Variants in DNAJA2 observed in about 807,000 individuals in gnomAD.
The protein encoded by DNAJA2 is DnaJ heat shock protein family (Hsp40) member A2.
In DNAJA2, 6 loss-of-function variants were observed where a neutral mutation model predicts 49.3. The observed-to-expected ratio is 0.12, with a 90% CI of 0.07 to 0.24. The LOEUF is 0.24. Ranked by LOEUF, DNAJA2 falls within the 10% of genes least tolerant of loss-of-function variation. DNAJA2 has a pLI of 1.00. For synonymous variants in DNAJA2, 160 were observed against 172.7 expected, an observed-to-expected ratio of 0.93 and a Z score of 0.58; for missense variants, 347 against 516.8, an observed-to-expected ratio of 0.67 and a Z score of 3.19.
intron 3 of DNAJA2, 132 bp downstream of exon 3, chr16:46,971,215 CAA>C: frequency 3.0e-6 from 2 of 666,698 alleles, no homozygotes; most frequent in Non-Finnish European, 2.4e-6. Context: ...ATTTAGTCAC[CAA>C]AAGAAGACAA....
intron 5 of DNAJA2, among the ~76,000 whole-genome samples, chr16:46,965,465 T>A (rs1057378108): frequency 4.6e-5 from 7 of 152,210 alleles, no homozygotes; most frequent in Admixed American, 1.3e-4. Context: ...AAGAAGTGTA[T>A]AACTGATTAT....
intron 5 of DNAJA2, among the ~76,000 whole-genome samples, chr16:46,965,298 T>A (rs1485845770): frequency 6.6e-6 from 1 of 152,204 alleles, no homozygotes; most frequent in Non-Finnish European, 1.5e-5. Flanking sequence ...CTTCCCACTA[T>A]TTCAGAATGT....
intron 6 of DNAJA2, among the ~76,000 whole-genome samples, chr16:46,960,759 A>G (rs1342532379): frequency 6.6e-6 from 1 of 152,134 alleles, no homozygotes; most frequent in Non-Finnish European, 1.5e-5. Flanking sequence ...AGCCTGGGCG[A>G]CACAGCGAGA....
intron 4 of DNAJA2, 144 bp from the exon 5 acceptor site, chr16:46,967,790 T>C (rs1961993441): frequency 4.9e-6 from 6 of 1,223,560 alleles, no homozygotes; most frequent in Non-Finnish European, 3.4e-6. Context: ...CAGAAAACAT[T>C]CTGCTAAGAT....
At chr16:46,959,727 C>G (rs1166233329) in intron 6 of DNAJA2, 6 of 227,748 alleles carry the variant, frequency 2.6e-5, no homozygotes, top group Non-Finnish European at 5.2e-5. Flanking sequence ...CAGACTCTGC[C>G]TCTGGTGAAA....
At chr16:46,966,601 A>C (rs1436945913) in intron 5 of DNAJA2, among the ~76,000 whole-genome samples, 3 of 152,190 alleles carry the variant, frequency 2.0e-5, no homozygotes, top group Non-Finnish European at 4.4e-5. Context: ...TGTTTTTATA[A>C]TTAAAATTTT....
chr16:46,971,944 C>T lies in DNAJA2; in HGVS notation c.90G>A (p.Lys30=), dbSNP rs774219169. Residue 30 remains lysine (K), a synonymous_variant, in exon 2 of 9, where the codon AAG becomes AAA. Transcript: ENST00000317089. ...SENELKKAYR[K]LAKEYHPDKN... ...TATCAGGATGATATTCCTTGGCTAACTTTCTGTATGCCTTTGAAAATGGAT... is the reference window on the plus strand; with the variant it reads ...TATCAGGATGATATTCCTTGGCTAATTTTCTGTATGCCTTTGAAAATGGAT... The T allele has an allele frequency of 6.2e-7, 1 of 1,612,222 alleles. No homozygotes were observed. Among genetic ancestry groups the T allele is most frequent in the Non-Finnish European group, 8.5e-7 (1 of 1,178,624 alleles).
chr16:46,963,175 T>A (rs559743165), intron 6 of DNAJA2, among the ~76,000 whole-genome samples: 10 of 152,186 alleles, frequency 6.6e-5, no homozygotes, highest in Non-Finnish European at 1.3e-4. Context: ...TAACCTGTGA[T>A]GTAATGATTT....
intron 6 of DNAJA2, among the ~76,000 whole-genome samples, chr16:46,961,858 C>T (rs1458145095): frequency 1.3e-5 from 2 of 151,996 alleles, no homozygotes; most frequent in Admixed American, 6.6e-5. Context: ...AACAAAAGTA[C>T]AGGTTATAGA....
At chr16:46,958,845 G>T in intron 8 of DNAJA2, 158 bp downstream of exon 8, 1 of 747,806 alleles carries the variant, frequency 1.3e-6, no homozygotes, top group Non-Finnish European at 2.1e-6. Flanking sequence ...CTTGGGGGCT[G>T]AGGTGAGAGG....
rs975623207 is a variant in DNAJA2, at chr16:46,967,608, G to A, written c.482C>T (p.Ala161Val). The change falls in exon 5 of 9, where the codon GCT becomes GTT. Residue 161 changes from alanine (A) to valine (V), a missense_variant. Ala to Val is a moderately conservative substitution (Grantham distance 64). Coordinates refer to ENST00000317089, the MANE Select transcript of DNAJA2 (RefSeq NM_005880.4). ...GKSGAVQKCS[A>V]CRGRGVRIMI... Reference sequence around the variant, plus strand: ...GATGCGCACACCTCGACCTCGACAAGCACTACACTTTTGGACAGCTCCAGA... The same window carrying A: ...GATGCGCACACCTCGACCTCGACAAACACTACACTTTTGGACAGCTCCAGA... The A allele has an allele frequency of 3.7e-6, 6 of 1,614,022 alleles. No individual in the cohort carries two copies. In the African/African-American group the frequency reaches 5.3e-5, roughly 14 times the overall value.
At chr16:46,964,870 T>G in intron 5 of DNAJA2, 63 bp from the exon 6 acceptor site, 2 of 1,302,032 alleles carry the variant, frequency 1.5e-6, no homozygotes, top group East Asian at 4.8e-5. Flanking sequence ...AATACCCTTA[T>G]TCTTTAAATA....
intron 8 of DNAJA2, among the ~76,000 whole-genome samples, chr16:46,957,602 CA>C (rs35145263): frequency 0.87 from 126,901 of 146,618 alleles, 55,847 homozygotes; most frequent in East Asian, 0.98. Context: ...GACTCCATCT[CA>C]AAAAAAAAAA....
At position 46,956,374 on chromosome 16, in the gene DNAJA2, C is replaced by G. The variant is rs1479771885; in HGVS notation, c.*655G>C. ...TGTTTTTCCTTCTAAAAATGTGACA[C>G]AAAAGAATAATTTACACCAACCGCT... On this transcript the variant is annotated 3_prime_UTR_variant, in exon 9 of 9. Transcript: ENST00000317089. 7.4e-6 allele frequency: 1 copy of G among 134,500 alleles called. No individual in the cohort carries two copies. Among genetic ancestry groups the G allele is most frequent in the Non-Finnish European group, 1.6e-5 (1 of 64,026 alleles). 8.3% of individuals were successfully genotyped at this position (134,500 alleles called of 1,614,324 possible). A position where few individuals can be genotyped will look rare whatever the true frequency, so the allele number is the denominator to read the frequency against.
rs997644710 is a variant in DNAJA2, at chr16:46,971,491, G to C, written c.220C>G (p.Leu74Val). 8 of 1,613,736 alleles carry C rather than the reference G, an allele frequency of 5.0e-6. No individual in the cohort carries two copies. In the Middle Eastern group the frequency reaches 5.0e-4, roughly 100 times the overall value. The change falls in exon 3 of 9, where the codon CTT becomes GTT. Residue 74 changes from leucine (L) to valine (V), a missense_variant. Coordinates refer to ENST00000317089, the MANE Select transcript of DNAJA2 (RefSeq NM_005880.4). ...ELYDRYGEQG[L>V]REGSGGGGGM... is the part of the protein sequence containing the mutation. ...CCACCTCCGCCGCTGCCTTCCCGAA[G>C]ACCTTGCTCTCCGTATCTGTCATAT...
Position 46,956,288 on chromosome 16 carries a change from C to G in DNAJA2, c.*741G>C, listed in dbSNP as rs1961809366. 1 of 152,094 alleles carries G rather than the reference C, an allele frequency of 6.6e-6. No homozygotes were observed. 9.4% of individuals were successfully genotyped at this position (152,094 alleles called of 1,614,324 possible). On this transcript the variant is annotated 3_prime_UTR_variant, in exon 9 of 9. Coordinates refer to ENST00000317089, the MANE Select transcript of DNAJA2 (RefSeq NM_005880.4). ...GATGGGCATAGGCCTGAGATATAAGCTTCAGGCCAATGGGTTTTTATGGGC... is the reference window on the plus strand; with the variant it reads ...GATGGGCATAGGCCTGAGATATAAGGTTCAGGCCAATGGGTTTTTATGGGC...
intron 1 of DNAJA2, among the ~76,000 whole-genome samples, chr16:46,973,211 G>A (rs1329342879): frequency 6.6e-6 from 1 of 152,142 alleles, no homozygotes; most frequent in Non-Finnish European, 1.5e-5. Flanking sequence ...CCCGGCGCTC[G>A]TTCAAGGAGG....
At chr16:46,957,320 G>A (rs2143638019) in intron 8 of DNAJA2, 100 bp from the exon 9 acceptor site, 4 of 1,149,826 alleles carry the variant, frequency 3.5e-6, no homozygotes, top group Admixed American at 2.3e-5. Context: ...TTAAAAAGGG[G>A]CTGGGTGTGG....
At chr16:46,971,603 T>C in intron 2 of DNAJA2, 31 bp from the exon 3 acceptor site, 1 of 1,490,280 alleles carries the variant, frequency 6.7e-7, no homozygotes, top group Non-Finnish European at 9.0e-7. Flanking sequence ...TAAAAATAAT[T>C]GCATTTTCAA....
Sources: gnomAD v4.1 joint callset for allele counts (sites outside exome capture counted in the v4.1 genomes callset) on GRCh38, gnomAD v4.1.1 for gene constraint, MANE v1.5 for transcripts, NCBI Gene and HGNC (gene_info 2026-07-23, HGNC 2026-07-21) for gene names.